The following DNMT1 variants were observed in gnomAD, a reference collection of about 807,000 sequenced individuals.
DNMT1 encodes DNA (cytosine-5)-methyltransferase 1.
DNMT1 carries 24 observed loss-of-function variants against 205.3 expected under a neutral mutation model. The ratio of observed to expected loss-of-function variants is 0.12; its 90% confidence interval spans 0.08 to 0.16. The LOEUF (loss-of-function observed/expected upper bound fraction) is 0.16, where lower values mean the gene tolerates loss of function less well. DNMT1 is among the 10% of genes least tolerant of loss of function. The probability of loss-of-function intolerance (pLI) is 1.00; values close to 1 mark genes in which losing one functional copy is unlikely to be tolerated. For missense variants in DNMT1, 1,293 were observed against 2,177.7 expected, an observed-to-expected ratio of 0.59 and a Z score of 8.09; for synonymous variants, 817 against 839.8, an observed-to-expected ratio of 0.97 and a Z score of 0.47.
In DNMT1 at chr19:10,154,154, C is replaced by G. The variant is rs772728969; in HGVS notation, c.2019+139G>C. On this transcript the variant is annotated intron_variant, in intron 22 of 40. Coordinates refer to ENST00000359526, the MANE Select transcript of DNMT1 (RefSeq NM_001130823.3). The surrounding 1 kb of genome is among the most constrained non-coding windows in gnomAD (Gnocchi z 6.3). ...TGAAGTATGCAGGGTCCTCCCAGAC[C>G]ACTAACTAATTTCTGTCTCAGGGGT... The G allele has an allele frequency of 1.4e-5, 13 of 896,744 alleles. No homozygotes were observed. The African/African-American group carries it at 2.0e-4, about 14-fold the overall frequency. The allele number at this position is 896,744 out of a possible 1,614,324, so 55.5% of individuals were successfully genotyped here. A position where few individuals can be genotyped will look rare whatever the true frequency, so the allele number is the denominator to read the frequency against.
intron 8 of DNMT1, 84 bp from the exon 9 acceptor site, chr19:10,173,258 C>T: frequency 1.5e-6 from 2 of 1,359,012 alleles, no homozygotes; most frequent in South Asian, 2.4e-5. Context: ...TCCTCTTTCC[C>T]CCAAAAGCAA....
intron 1 of DNMT1, among the ~76,000 whole-genome samples, chr19:10,191,735 C>T (rs953100371): frequency 1.3e-5 from 2 of 152,134 alleles, no homozygotes; most frequent in Non-Finnish European, 2.9e-5. Context: ...GTGGCTCACG[C>T]CTGTAATCTC....
chr19:10,191,462 C>CA (rs1403320129), intron 1 of DNMT1, among the ~76,000 whole-genome samples: 20 of 151,522 alleles, frequency 1.3e-4, no homozygotes, highest in Non-Finnish European at 1.6e-4. Context: ...CCAATGCCTA[C>CA]AGTGAAGCAA....
rs752571105 is a variant in DNMT1, at chr19:10,140,852, T to C, written c.3452A>G (p.Lys1151Arg). Residue 1151 changes from lysine (K) to arginine (R), a missense_variant, in exon 32 of 41, where the codon AAG becomes AGG. Physicochemically the swap from Lys to Arg is conservative, Grantham distance 26 (BLOSUM62 2). Around this residue, in one of 13 missense-constraint regions of DNMT1, gnomAD observed 167 missense variants for 258.1 expected, o/e 0.65. Transcript: ENST00000359526. The surrounding 1 kb of genome is among the most constrained non-coding windows in gnomAD (Gnocchi z 8.4). The stretch of plus-strand genomic sequence containing the variant: ...ATCCAGGGTCCGCAGCTTGGGCAGC[T>C]TGATCTCTATCTCTGGCTCGCTCGG... ...CEPSEPEIEIKLPKLRTLDVF... is the reference protein window; with the variant it reads ...CEPSEPEIEIRLPKLRTLDVF... 7 of 1,614,204 alleles carry C rather than the reference T, an allele frequency of 4.3e-6. No homozygotes were observed. The highest frequency in any genetic ancestry group is 3.4e-6 in the Non-Finnish European group (4 of 1,180,040).
intron 1 of DNMT1, among the ~76,000 whole-genome samples, chr19:10,191,076 T>G (rs1473150161): frequency 1.3e-5 from 2 of 151,814 alleles, no homozygotes; most frequent in African/African-American, 4.8e-5. Context: ...TCACGGCCAC[T>G]GCACTCCAGC....
At chr19:10,136,327 G>A in intron 37 of DNMT1, 40 bp from the exon 38 acceptor site, 1 of 1,610,854 alleles carries the variant, frequency 6.2e-7, no homozygotes, top group Non-Finnish European at 8.5e-7. Context: ...GTTGTGGGAT[G>A]GGGTATAGGC....
At chr19:10,176,008 A>G (rs2038932098) in intron 6 of DNMT1, among the ~76,000 whole-genome samples, 1 of 152,096 alleles carries the variant, frequency 6.6e-6, no homozygotes, top group South Asian at 2.1e-4. Flanking sequence ...TCTCTACCAA[A>G]AATACAAACA....
rs766894240 is a variant in DNMT1, at chr19:10,159,779, G to A, written c.1171-12C>T. 10 of 1,614,068 alleles carry A rather than the reference G, an allele frequency of 6.2e-6. No homozygotes were observed. Among genetic ancestry groups the A allele is most frequent in the African/African-American group, 4.0e-5 (3 of 74,922 alleles). On this transcript the variant is annotated splice_polypyrimidine_tract_variant and intron_variant, in intron 16 of 40. Coordinates refer to ENST00000359526, the MANE Select transcript of DNMT1 (RefSeq NM_001130823.3). This position sits in a 1 kb window ranked among gnomAD's most constrained non-coding sequence, Gnocchi z 5.0. ...TGTGGCTCATCCACCTGAAGGACAC[G>A]GGGCTGGTGAGCAGTGGGACAAGGG...
chr19:10,161,058 G>A (rs1043317417), intron 13 of DNMT1, among the ~76,000 whole-genome samples: 1 of 152,230 alleles, frequency 6.6e-6, no homozygotes, highest in African/African-American at 2.4e-5. Flanking sequence ...TGTAATCCCA[G>A]CACTTTGGGA....
intron 39 of DNMT1, among the ~76,000 whole-genome samples, chr19:10,134,987 G>T (rs186149574): frequency 6.6e-6 from 1 of 151,908 alleles, no homozygotes; most frequent in Non-Finnish European, 1.5e-5. Context: ...CGAGGCAGGC[G>T]GATCACCTGA....
At chr19:10,150,567 G>A (rs1457385970) in intron 24 of DNMT1, among the ~76,000 whole-genome samples, 1 of 152,192 alleles carries the variant, frequency 6.6e-6, no homozygotes, top group Non-Finnish European at 1.5e-5. Context: ...CTCAGCCACG[G>A]CCCAGGCAGC....
chr19:10,194,116 A>G (rs2145415616), intron 1 of DNMT1, among the ~76,000 whole-genome samples: 1 of 152,306 alleles, frequency 6.6e-6, no homozygotes, highest in Admixed American at 6.5e-5. Flanking sequence ...ATTTACAGGA[A>G]AAGACCAACC....
At chr19:10,178,426 G>A (rs567945410) in intron 5 of DNMT1, among the ~76,000 whole-genome samples, 4 of 151,984 alleles carry the variant, frequency 2.6e-5, no homozygotes, top group Non-Finnish European at 2.9e-5. Flanking sequence ...GCGTGGTGGC[G>A]CATGCCTCCA....
At chr19:10,139,104 C>T (rs900164131) in intron 34 of DNMT1, among the ~76,000 whole-genome samples, 1 of 152,178 alleles carries the variant, frequency 6.6e-6, no homozygotes, top group Non-Finnish European at 1.5e-5. Flanking sequence ...TTTAATTATG[C>T]CCTCAATTGC....
chr19:10,178,355 G>A (rs1014988895), intron 5 of DNMT1, among the ~76,000 whole-genome samples: 4 of 151,668 alleles, frequency 2.6e-5, no homozygotes, highest in Non-Finnish European at 2.9e-5. Flanking sequence ...TCAGGAGTTC[G>A]AGACCACCTT....
Position 10,159,745 on chromosome 19 carries a change from G to A in DNMT1, c.1193C>T (p.Thr398Ile). 1 of 1,614,234 alleles carries A rather than the reference G, an allele frequency of 6.2e-7. No individual in the cohort carries two copies. Among genetic ancestry groups the A allele is most frequent in the Non-Finnish European group, 8.5e-7 (1 of 1,180,046 alleles). Reference protein sequence around the residue: ...PDAVDEPQMLTNEKLSIFDAN... With the variant: ...PDAVDEPQMLINEKLSIFDAN... The stretch of plus-strand genomic sequence containing the variant: ...ATCAAAGATGGACAGCTTCTCATTT[G>A]TCAGCATCTGTGGCTCATCCACCTG... Residue 398 changes from threonine to isoleucine, a missense_variant, in exon 17 of 41, where the codon ACA becomes ATA. This residue lies in a region of DNMT1 where 120 missense variants were observed against 315.9 expected (regional missense o/e 0.38). Transcript: ENST00000359526. This position sits in a 1 kb window ranked among gnomAD's most constrained non-coding sequence, Gnocchi z 5.0.
intron 4 of DNMT1, 34 bp from the exon 5 acceptor site, chr19:10,180,268 C>T (rs1439072844): frequency 1.3e-6 from 2 of 1,541,348 alleles, no homozygotes; most frequent in East Asian, 2.3e-5. Context: ...GCCGAGGTTA[C>T]ACCACTGTGC....
chr19:10,189,006 C>A (rs888760757), intron 1 of DNMT1, among the ~76,000 whole-genome samples: 1 of 152,220 alleles, frequency 6.6e-6, no homozygotes, highest in Non-Finnish European at 1.5e-5. Context: ...TCCGGTGAAA[C>A]CCACATCAGA....
chr19:10,167,949 C>G (rs2038729332), intron 10 of DNMT1, among the ~76,000 whole-genome samples: 1 of 151,912 alleles, frequency 6.6e-6, no homozygotes. Flanking sequence ...ATGGTGAAAC[C>G]CTGTCTCTAC....
Sources: gnomAD v4.1 joint callset for allele counts (sites outside exome capture counted in the v4.1 genomes callset) on GRCh38, gnomAD v4.1.1 for gene constraint, gnomAD v4.1.1 regional missense constraint, Gnocchi (gnomAD v3.1) non-coding constraint, MANE v1.5 for transcripts, NCBI Gene and HGNC (gene_info 2026-07-23, HGNC 2026-07-21) for gene names.